Variants in WWC2 observed in about 807,000 individuals in gnomAD.
WWC2 encodes the protein protein WWC2.
A neutral mutation model predicts 138.5 loss-of-function variants in WWC2; 101 were observed. That is an observed-to-expected ratio of 0.73 (90% CI 0.62 to 0.86). The LOEUF is 0.86. Among genes scored for constraint, WWC2 ranks in the 40% least tolerant of loss-of-function variants. The pLI, the probability that WWC2 is intolerant of heterozygous loss-of-function variation, is 0.00. For missense variants in WWC2, 1,420 were observed against 1,419.4 expected, an observed-to-expected ratio of 1.00 and a Z score of -0.01; for synonymous variants, 558 against 538.4, an observed-to-expected ratio of 1.04 and a Z score of -0.50.
intron 1 of WWC2, among the ~76,000 whole-genome samples, chr4:183,141,139 A>T (rs56940991): frequency 5.3e-5 from 8 of 152,076 alleles, no homozygotes; most frequent in African/African-American, 1.9e-4. Context: ...TCAGGCTGCC[A>T]TAACAAAATA....
chr4:183,232,759 T>C (rs1388533712), intron 4 of WWC2, among the ~76,000 whole-genome samples: 2 of 152,204 alleles, frequency 1.3e-5, no homozygotes, highest in African/African-American at 2.4e-5. Context: ...GTGATTCTCC[T>C]GTCTCAGCCT....
Position 183,110,431 on chromosome 4 carries a change from TA to T in WWC2, c.131+10810del, listed in dbSNP as rs147138620. 1.8e-4 allele frequency among the ~76,000 whole-genome samples: 23 copies of T among 131,126 alleles called. No homozygotes were observed. In the East Asian group the frequency reaches 2.3e-3, roughly 13 times the overall value. The allele number at this position is 131,126 out of a possible 152,430, so 86.0% of individuals were successfully genotyped here. A position where few individuals can be genotyped will look rare whatever the true frequency, so the allele number is the denominator to read the frequency against. Reference sequence around the variant, plus strand: ...TGTCCCAAAGACTGCTCTGTAGAGCTATTTTTTTTTTTTTTTTTTTGCTTTG... The same window carrying T: ...TGTCCCAAAGACTGCTCTGTAGAGCTTTTTTTTTTTTTTTTTTTTGCTTTG... On this transcript the variant is annotated intron_variant, in intron 1 of 22. Coordinates refer to ENST00000403733, the MANE Select transcript of WWC2 (RefSeq NM_024949.6).
chr4:183,294,160 C>T (rs1738555951), intron 21 of WWC2, among the ~76,000 whole-genome samples: 1 of 151,994 alleles, frequency 6.6e-6, no homozygotes, highest in Non-Finnish European at 1.5e-5. Context: ...ACTTTATTTA[C>T]AAAAACAGGG....
intron 1 of WWC2, among the ~76,000 whole-genome samples, chr4:183,168,350 A>G (rs898790524): frequency 2.0e-5 from 3 of 152,090 alleles, no homozygotes; most frequent in African/African-American, 7.2e-5. Flanking sequence ...AAATTACTAC[A>G]GTGTACAGTG....
chr4:183,168,471 A>T (rs1021346767), intron 1 of WWC2, among the ~76,000 whole-genome samples: 1 of 152,186 alleles, frequency 6.6e-6, no homozygotes, highest in Admixed American at 6.5e-5. Context: ...AATCAGACAG[A>T]TTGTTAAATG....
At chr4:183,153,819 A>T (rs542590802) in intron 1 of WWC2, among the ~76,000 whole-genome samples, 1 of 151,284 alleles carries the variant, frequency 6.6e-6, no homozygotes, top group South Asian at 2.1e-4. Context: ...CTAATTTTGT[A>T]TTTTTTATAG....
In WWC2 at chr4:183,209,950, A is replaced by C. The variant is rs540593428; in HGVS notation, c.522+925A>C. On this transcript the variant is annotated intron_variant, in intron 4 of 22. Transcript: ENST00000403733. ...GGTGGTACTAGCCTCATGAGCACTG[A>C]GGGTTAATTTTTCACCTGCTTTGAA... is the stretch of plus-strand genomic sequence containing the variant. Among the ~76,000 whole-genome samples, 7 of 152,252 alleles carry C rather than the reference A, an allele frequency of 4.6e-5. No homozygotes were observed. In the South Asian group the frequency reaches 1.5e-3, roughly 32 times the overall value.
intron 1 of WWC2, among the ~76,000 whole-genome samples, chr4:183,134,045 G>T (rs965950997): frequency 2.6e-5 from 4 of 151,958 alleles, no homozygotes; most frequent in African/African-American, 9.7e-5. Context: ...TTTTTTAAAG[G>T]AATTTGTTCA....
At chr4:183,100,362 T>A (rs1743137394) in intron 1 of WWC2, among the ~76,000 whole-genome samples, 1 of 152,280 alleles carries the variant, frequency 6.6e-6, no homozygotes, top group African/African-American at 2.4e-5. Flanking sequence ...CTTTGTTTTT[T>A]GTTTTTTAAA....
intron 1 of WWC2, among the ~76,000 whole-genome samples, chr4:183,165,851 C>A (rs933005989): frequency 1.3e-5 from 2 of 152,128 alleles, no homozygotes; most frequent in African/African-American, 4.8e-5. Context: ...TTAAAAAATG[C>A]TTTTGTTTAA....
chr4:183,151,776 G>C (rs1232604817), intron 1 of WWC2, among the ~76,000 whole-genome samples: 1 of 152,116 alleles, frequency 6.6e-6, no homozygotes, highest in Non-Finnish European at 1.5e-5. Flanking sequence ...AGTTTTCCCA[G>C]CACCACTTAT....
intron 1 of WWC2, among the ~76,000 whole-genome samples, chr4:183,112,448 G>A (rs1446165576): frequency 2.0e-5 from 3 of 152,206 alleles, no homozygotes. Context: ...TGAAATGTAT[G>A]CATTTGAAGG....
At chr4:183,154,862 C>G (rs1198858384) in intron 1 of WWC2, among the ~76,000 whole-genome samples, 4 of 152,174 alleles carry the variant, frequency 2.6e-5, no homozygotes, top group Non-Finnish European at 5.9e-5. Flanking sequence ...GCTCTACTGC[C>G]TAACCTGGAC....
Position 183,206,815 on chromosome 4 carries a change from GC to G in WWC2, c.242-1137del, listed in dbSNP as rs374572026. Among the ~76,000 whole-genome samples, 466 of 152,332 alleles carry G rather than the reference GC, an allele frequency of 3.1e-3. 4 individuals carry two copies. Among genetic ancestry groups the G allele is most frequent in the African/African-American group, 0.011 (456 of 41,566 alleles). On this transcript the variant is annotated intron_variant, in intron 2 of 22. Transcript: ENST00000403733. ...CACCATGGTATCCCAATGCTGGACAGCAGTACACTCCAACTCCTTGGCCCAA... is the reference window on the plus strand; with the variant it reads ...CACCATGGTATCCCAATGCTGGACAGAGTACACTCCAACTCCTTGGCCCAA...
At chr4:183,226,461 G>A (rs1029284879) in intron 4 of WWC2, among the ~76,000 whole-genome samples, 4 of 151,242 alleles carry the variant, frequency 2.6e-5, no homozygotes, top group African/African-American at 7.4e-5. Flanking sequence ...AATTTTGTAG[G>A]CTGCAACTAA....
At chr4:183,150,784 GT>G (rs1561437418) in intron 1 of WWC2, among the ~76,000 whole-genome samples, 1 of 152,040 alleles carries the variant, frequency 6.6e-6, no homozygotes, top group East Asian at 1.9e-4. Flanking sequence ...GCAGTGTTTG[GT>G]TTTCTGTCCT....
intron 1 of WWC2, among the ~76,000 whole-genome samples, chr4:183,137,214 TCAA>T (rs1221015579): frequency 6.6e-6 from 1 of 152,200 alleles, no homozygotes; most frequent in Admixed American, 6.5e-5. Context: ...TCTTCAGTAA[TCAA>T]TGCTAACTTA....
intron 1 of WWC2, among the ~76,000 whole-genome samples, chr4:183,114,904 C>T (rs1732362700): frequency 6.6e-6 from 1 of 152,110 alleles, no homozygotes; most frequent in African/African-American, 2.4e-5. Flanking sequence ...TCACTGCAAC[C>T]TCTGCCTCCC....
intron 2 of WWC2, 37 bp downstream of exon 2, chr4:183,193,745 A>G: frequency 1.3e-6 from 2 of 1,512,316 alleles, no homozygotes; most frequent in Non-Finnish European, 1.8e-6. Context: ...AACATATCAG[A>G]AAAGTAATCC....
Sources: allele counts gnomAD v4.1 joint callset (sites outside exome capture counted in the v4.1 genomes callset), GRCh38; gene constraint gnomAD v4.1.1; transcripts MANE v1.5; gene names NCBI Gene and HGNC (gene_info 2026-07-23, HGNC 2026-07-21).